The following ERBB4 variants were observed in gnomAD, a reference collection of about 807,000 sequenced individuals.
ERBB4 encodes the protein receptor tyrosine-protein kinase erbB-4.
Under a neutral mutation model 158.0 loss-of-function variants are expected in ERBB4, and 42 were observed. The ratio of observed to expected loss-of-function variants is 0.27; its 90% CI spans 0.21 to 0.34. The LOEUF (loss-of-function observed/expected upper bound fraction) is 0.34. ERBB4 is among the 10% of genes least tolerant of loss of function. The pLI is 1.00. For synonymous variants in ERBB4, 583 were observed against 558.7 expected (o/e 1.04, Z -0.61); for missense variants, 1,333 against 1,624.1 (o/e 0.82, Z 3.08).
chr2:212,387,235 G>A (rs747778048), intron 1 of ERBB4, among the ~76,000 whole-genome samples: 6 of 151,980 alleles, frequency 3.9e-5, no homozygotes, highest in South Asian at 4.1e-4. Flanking sequence ...GATACAAAGC[G>A]AACTATAAAT....
intron 1 of ERBB4, among the ~76,000 whole-genome samples, chr2:212,190,574 G>A (rs553046463): frequency 1.1e-4 from 16 of 150,876 alleles, no homozygotes; most frequent in African/African-American, 3.6e-4. Context: ...AGAACTGGGC[G>A]CCTTTGATAC....
In ERBB4 at chr2:212,323,827, A is replaced by G. The variant is rs1467176323; in HGVS notation, c.83-198924T>C. 2.2e-4 allele frequency among the ~76,000 whole-genome samples: 10 copies of G among 44,864 alleles called. 1 individual carries two copies. In the East Asian group the frequency reaches 0.01, roughly 46 times the overall value. The allele number at this position is 44,864 out of a possible 152,430, so 29.4% of individuals were successfully genotyped here. On this transcript the variant is annotated intron_variant, in intron 1 of 27. Coordinates refer to ENST00000342788, the MANE Select transcript of ERBB4 (RefSeq NM_005235.3). The stretch of plus-strand genomic sequence containing the variant: ...GAAAAATGAATATATATGCAGATTG[A>G]AAACATTAATAAAATCTCAGAAATC...
At chr2:211,909,401 G>A (rs902949675) in intron 3 of ERBB4, among the ~76,000 whole-genome samples, 9 of 151,622 alleles carry the variant, frequency 5.9e-5, no homozygotes, top group East Asian at 2.0e-4. Flanking sequence ...TTTTGTCATC[G>A]TGTGAACATC....
chr2:211,740,614 TTC>T (rs1426768288), intron 5 of ERBB4, among the ~76,000 whole-genome samples: 2 of 146,486 alleles, frequency 1.4e-5, no homozygotes, highest in African/African-American at 5.1e-5. Flanking sequence ...ATTATTTCTT[TTC>T]TTTGTCTTTT....
At chr2:211,721,309 C>T (rs1477688477) in intron 7 of ERBB4, among the ~76,000 whole-genome samples, 2 of 151,988 alleles carry the variant, frequency 1.3e-5, no homozygotes, top group Non-Finnish European at 2.9e-5. Context: ...TACTGTATCA[C>T]ATACACAAAG....
At chr2:212,074,941 A>C (rs146768453) in intron 2 of ERBB4, among the ~76,000 whole-genome samples, 1 of 151,966 alleles carries the variant, frequency 6.6e-6, no homozygotes, top group East Asian at 1.9e-4. Flanking sequence ...GGTCCTGGCA[A>C]TTTCTTGAAG....
At chr2:211,452,594 TA>T (rs895795046) in intron 20 of ERBB4, among the ~76,000 whole-genome samples, 2 of 152,000 alleles carry the variant, frequency 1.3e-5, no homozygotes, top group African/African-American at 2.4e-5. Flanking sequence ...ATTGATACAC[TA>T]AAAAAAATTA....
intron 1 of ERBB4, among the ~76,000 whole-genome samples, chr2:212,439,799 G>C (rs2092215898): frequency 1.3e-5 from 2 of 152,040 alleles, no homozygotes. Context: ...CCTGAGGAAA[G>C]TATTTACGAA....
At chr2:211,753,086 G>T (rs2075181149) in intron 4 of ERBB4, among the ~76,000 whole-genome samples, 1 of 152,134 alleles carries the variant, frequency 6.6e-6, no homozygotes, top group Non-Finnish European at 1.5e-5. Flanking sequence ...GCAAGACATG[G>T]CACTTGTGTT....
chr2:212,099,322 G>C (rs192649661), intron 2 of ERBB4, among the ~76,000 whole-genome samples: 1 of 151,890 alleles, frequency 6.6e-6, no homozygotes, highest in Admixed American at 6.6e-5. Context: ...TGAGATATGA[G>C]ATACCTTATT....
chr2:211,528,246 A>G (rs1438477865), intron 20 of ERBB4, among the ~76,000 whole-genome samples: 1 of 152,084 alleles, frequency 6.6e-6, no homozygotes, highest in African/African-American at 2.4e-5. Context: ...GACAAAAACT[A>G]TAAGAGAAGA....
chr2:211,413,309 A>AAAAAAAAAAAACACAC (rs1553524037), intron 25 of ERBB4, among the ~76,000 whole-genome samples: 5 of 94,576 alleles, frequency 5.3e-5, no homozygotes, highest in African/African-American at 1.9e-4. Context: ...CTGTCTTAAA[A>AAAAAAAAAAAACACAC]ACACACACAC....
chr2:212,412,298 C>T (rs1361854792), intron 1 of ERBB4, among the ~76,000 whole-genome samples: 1 of 152,122 alleles, frequency 6.6e-6, no homozygotes, highest in Non-Finnish European at 1.5e-5. Flanking sequence ...AGGTAATTTC[C>T]TGTGTTGGAG....
At chr2:211,660,285 A>G (rs1391091614) in intron 15 of ERBB4, among the ~76,000 whole-genome samples, 1 of 152,244 alleles carries the variant, frequency 6.6e-6, no homozygotes, top group East Asian at 1.9e-4. Context: ...AGGCCGACTC[A>G]TTTGGCACAA....
intron 12 of ERBB4, among the ~76,000 whole-genome samples, chr2:211,691,777 AAG>A (rs1156968241): frequency 6.6e-6 from 1 of 152,008 alleles, no homozygotes; most frequent in Non-Finnish European, 1.5e-5. Flanking sequence ...AACTCTAGCC[AAG>A]AGAGTCTGAG....
intron 20 of ERBB4, among the ~76,000 whole-genome samples, chr2:211,548,824 G>A (rs554493169): frequency 7.2e-5 from 11 of 152,134 alleles, no homozygotes; most frequent in East Asian, 3.9e-4. Flanking sequence ...AGTTAGGTTC[G>A]GTTATATTTG....
intron 1 of ERBB4, among the ~76,000 whole-genome samples, chr2:212,289,417 G>T (rs942138670): frequency 6.6e-6 from 1 of 152,092 alleles, no homozygotes; most frequent in African/African-American, 2.4e-5. Context: ...GAAATTCTTG[G>T]TTAGTAAATA....
At chr2:212,484,579 T>C (rs1321016157) in intron 1 of ERBB4, among the ~76,000 whole-genome samples, 1 of 152,208 alleles carries the variant, frequency 6.6e-6, no homozygotes, top group Non-Finnish European at 1.5e-5. Flanking sequence ...AAAAGGTTTT[T>C]AAAATAGTGT....
Position 212,042,548 on chromosome 2 carries a change from T to C in ERBB4, c.234+82204A>G, listed in dbSNP as rs1449074668. ...CGTTATTATTTTTTCTTTTTGTTTT[T>C]CTTTATGCTACATATCAAAAACCTA... On this transcript the variant is annotated intron_variant, in intron 2 of 27. Transcript: ENST00000342788. 2.0e-5 allele frequency among the ~76,000 whole-genome samples: 3 copies of C among 152,136 alleles called. No individual in the cohort carries two copies. In the East Asian group the frequency reaches 5.8e-4, roughly 29 times the overall value.
Sources: allele counts gnomAD v4.1 joint callset (sites outside exome capture counted in the v4.1 genomes callset), GRCh38; gene constraint gnomAD v4.1.1; transcripts MANE v1.5; gene names NCBI Gene and HGNC (gene_info 2026-07-23, HGNC 2026-07-21).